ASTL: variants seen among roughly 807,000 people sequenced by gnomAD.
ASTL encodes astacin like metalloendopeptidase.
A neutral mutation model predicts 36.7 loss-of-function variants in ASTL; 27 were observed. The observed-to-expected ratio is 0.73, with a 90% CI of 0.54 to 1.01. The LOEUF is 1.01. Ranked by LOEUF, ASTL falls within the 50% of genes least tolerant of loss-of-function variation. The pLI is 0.00. For synonymous variants in ASTL, 222 were observed against 228.1 expected, an observed-to-expected ratio of 0.97 and a Z score of 0.24; for missense variants, 524 against 572.8, an observed-to-expected ratio of 0.91 and a Z score of 0.87.
Position 96,133,467 on chromosome 2 carries a change from T to C in ASTL, c.413A>G (p.Tyr138Cys), listed in dbSNP as rs1190995743. 6.2e-7 allele frequency: 1 copy of C among 1,614,112 alleles called. No homozygotes were observed. Among genetic ancestry groups the C allele is most frequent in the East Asian group, 2.2e-5 (1 of 44,892 alleles). Reference protein sequence around the residue: ...ERSTCIRFVTYQDQRDFISII... With the variant: ...ERSTCIRFVTCQDQRDFISII... ...GGAAATGAAGTCTCTCTGGTCCTGA[T>C]AGGTGACAAACCTGATGCACGTGGA... The change falls in exon 5 of 9, where the codon TAT (tyrosine) becomes TGT (cysteine). Residue 138 changes from tyrosine (Y) to cysteine (C), a missense_variant. Transcript: ENST00000342380.
rs1474024626 is a variant in ASTL, at chr2:96,132,857, C to T, written c.456-136G>A. 1 of 760,604 alleles carries T rather than the reference C, an allele frequency of 1.3e-6. No individual in the cohort carries two copies. The highest frequency in any genetic ancestry group is 2.0e-6 in the Non-Finnish European group (1 of 494,688). The allele number at this position is 760,604 out of a possible 1,614,324, so 47.1% of individuals were successfully genotyped here. On this transcript the variant is annotated intron_variant, in intron 5 of 8. Transcript: ENST00000342380. This position sits in a 1 kb window ranked among gnomAD's most constrained non-coding sequence, Gnocchi z 5.4. ...CAGGCCCCACTCTGGGCTCTAGTCT[C>T]AGGTTCACCATTCTCCAGGCCCCTT...
chr2:96,134,545 C>A (rs1216462732), intron 3 of ASTL, among the ~76,000 whole-genome samples: 1 of 152,140 alleles, frequency 6.6e-6, no homozygotes, highest in Admixed American at 6.5e-5. Context: ...CCCTTCGGTG[C>A]CCAGGCTCCA....
intron 8 of ASTL, among the ~76,000 whole-genome samples, chr2:96,128,740 T>C (rs954002856): frequency 2.0e-5 from 3 of 152,260 alleles, no homozygotes; most frequent in African/African-American, 7.2e-5. Context: ...AGGGATGTCT[T>C]GGCTATTATT....
In ASTL at chr2:96,124,420, C is replaced by T. The variant is rs1389720718; in HGVS notation, c.875-149G>A. On this transcript the variant is annotated intron_variant, in intron 8 of 8. Coordinates refer to ENST00000342380, the MANE Select transcript of ASTL (RefSeq NM_001002036.4). The surrounding 1 kb of genome is among the most constrained non-coding windows in gnomAD (Gnocchi z 4.1). ...TCCAAGACCCAGATTCCCACCCTAC[C>T]AGAGACCAGGACAATGAAGCCATCC... The T allele has an allele frequency of 1.6e-6, 1 of 611,428 alleles. No individual in the cohort carries two copies. Among genetic ancestry groups the T allele is most frequent in the Non-Finnish European group, 2.6e-6 (1 of 389,122 alleles). 37.9% of individuals were successfully genotyped at this position (611,428 alleles called of 1,614,324 possible).
chr2:96,137,363 G>C (rs936359029), intron 2 of ASTL, among the ~76,000 whole-genome samples: 21 of 152,148 alleles, frequency 1.4e-4, no homozygotes, highest in African/African-American at 4.6e-4. Context: ...CCAGCTGCTC[G>C]GGAGGCAGAG....
intron 6 of ASTL, among the ~76,000 whole-genome samples, chr2:96,131,376 G>C (rs114164839): frequency 6.6e-6 from 1 of 151,876 alleles, no homozygotes; most frequent in African/African-American, 2.4e-5. Flanking sequence ...AGAAGCTTTC[G>C]GTTTTGATGT....
upstream of ASTL, chr2:96,138,527 T>A: frequency 2.7e-6 from 3 of 1,111,754 alleles, no homozygotes; most frequent in Non-Finnish European, 4.0e-6. Context: ...CACCCCCTCT[T>A]AAATAGCAGC....
chr2:96,124,355 C>T lies in ASTL; in HGVS notation c.875-84G>A. 1 of 1,304,842 alleles carries T rather than the reference C, an allele frequency of 7.7e-7. No homozygotes were observed. Among genetic ancestry groups the T allele is most frequent in the Non-Finnish European group, 1.0e-6 (1 of 990,546 alleles). 80.8% of individuals were successfully genotyped at this position (1,304,842 alleles called of 1,614,324 possible). ...CTGTGCGGACCCAGAGCTGGCTCAGCTCACAGGAGTGGTGCCCACCCATGC... is the reference window on the plus strand; with the variant it reads ...CTGTGCGGACCCAGAGCTGGCTCAGTTCACAGGAGTGGTGCCCACCCATGC... On this transcript the variant is annotated intron_variant, in intron 8 of 8. Coordinates refer to ENST00000342380, the MANE Select transcript of ASTL (RefSeq NM_001002036.4). This position sits in a 1 kb window ranked among gnomAD's most constrained non-coding sequence, Gnocchi z 4.1.
chr2:96,138,449 C>G lies in ASTL; in HGVS notation c.-13G>C. ...CTACACCCTCCATGGTAGAGCCCTGCTGCCCCTTCAGCAAACAAGACCAAG... is the reference window on the plus strand; with the variant it reads ...CTACACCCTCCATGGTAGAGCCCTGGTGCCCCTTCAGCAAACAAGACCAAG... On this transcript the variant is annotated 5_prime_UTR_variant, in exon 1 of 9. Transcript: ENST00000342380. The G allele has an allele frequency of 2.5e-6, 4 of 1,606,686 alleles. No homozygotes were observed. The highest frequency in any genetic ancestry group is 3.4e-6 in the Non-Finnish European group (4 of 1,176,214).
chr2:96,134,033 G>C lies in ASTL; in HGVS notation c.269C>G (p.Thr90Ser). 1 of 1,613,630 alleles carries C rather than the reference G, an allele frequency of 6.2e-7. No individual in the cohort carries two copies. The highest frequency in any genetic ancestry group is 1.3e-5 in the African/African-American group (1 of 75,030). ...ACCACCCATGGGCCATTTGTTGCTG[G>C]TTGCTGACAGCAGTCGGAAGGGACT... ...RPSPFRLLSA[T>S]SNKWPMGGSG... is the part of the protein sequence containing the mutation. The change falls in exon 4 of 9, where the codon ACC (threonine) becomes AGC (serine). Residue 90 changes from threonine (T) to serine (S), a missense_variant. Coordinates refer to ENST00000342380, the MANE Select transcript of ASTL (RefSeq NM_001002036.4).
chr2:96,126,049 C>A (rs1329829075), intron 8 of ASTL, among the ~76,000 whole-genome samples: 2 of 152,060 alleles, frequency 1.3e-5, no homozygotes, highest in African/African-American at 4.8e-5. Flanking sequence ...CCAAATAGGT[C>A]ATATACCTAA....
At chr2:96,137,060 G>A (rs1213572166) in intron 2 of ASTL, among the ~76,000 whole-genome samples, 1 of 152,016 alleles carries the variant, frequency 6.6e-6, no homozygotes, top group Non-Finnish European at 1.5e-5. Flanking sequence ...AGCCAGGATG[G>A]TCTCGATCTC....
At chr2:96,127,536 G>A (rs1485975255) in intron 8 of ASTL, among the ~76,000 whole-genome samples, 2 of 152,026 alleles carry the variant, frequency 1.3e-5, no homozygotes, top group Non-Finnish European at 2.9e-5. Flanking sequence ...TTTCCCATTT[G>A]GTCTCTGAGA....
chr2:96,126,634 G>A (rs1682069114), intron 8 of ASTL, among the ~76,000 whole-genome samples: 1 of 152,128 alleles, frequency 6.6e-6, no homozygotes, highest in Non-Finnish European at 1.5e-5. Flanking sequence ...GAGACGGGTA[G>A]ATCACGAGGT....
intron 2 of ASTL, 49 bp downstream of exon 2, chr2:96,137,526 T>G: frequency 6.3e-7 from 1 of 1,590,160 alleles, no homozygotes; most frequent in Non-Finnish European, 8.6e-7. Context: ...GTTTTCACAC[T>G]ACATAACGTC....
At chr2:96,130,396 C>T (rs1461881619) in intron 6 of ASTL, among the ~76,000 whole-genome samples, 1 of 152,210 alleles carries the variant, frequency 6.6e-6, no homozygotes, top group African/African-American at 2.4e-5. Context: ...GCTGTTCCCT[C>T]CACCCATCCT....
At position 96,123,182 on chromosome 2, in the gene ASTL, A is replaced by G. The variant is rs1681992336; in HGVS notation, c.*668T>C. 6.6e-6 allele frequency among the ~76,000 whole-genome samples: 1 copy of G among 152,228 alleles called. No individual in the cohort carries two copies. The highest frequency in any genetic ancestry group is 2.1e-4 in the South Asian group (1 of 4,830). ...TCCAGGGAATAGCGGTGTAGGGTGG[A>G]GACAACTGAGTCCTCTGTTCAGGGG... On this transcript the variant is annotated 3_prime_UTR_variant, in exon 9 of 9. Coordinates refer to ENST00000342380, the MANE Select transcript of ASTL (RefSeq NM_001002036.4).
chr2:96,138,474 G>A lies in ASTL; in HGVS notation c.-38C>T, dbSNP rs1682352850. On this transcript the variant is annotated 5_prime_UTR_variant, in exon 1 of 9. Transcript: ENST00000342380. ...CTGCCCCTTCAGCAAACAAGACCAAGCCCCAGCAAGACACAGTAACCTAAT... is the reference window on the plus strand; with the variant it reads ...CTGCCCCTTCAGCAAACAAGACCAAACCCCAGCAAGACACAGTAACCTAAT... 1.3e-6 allele frequency: 2 copies of A among 1,577,072 alleles called. No homozygotes were observed. The highest frequency in any genetic ancestry group is 2.3e-5 in the East Asian group (1 of 44,040).
chr2:96,133,054 C>T (rs951858062), intron 5 of ASTL, among the ~76,000 whole-genome samples: 1 of 152,180 alleles, frequency 6.6e-6, no homozygotes, highest in African/African-American at 2.4e-5. Flanking sequence ...GCCTCAGGCC[C>T]CTGACAAGCT....
Sources: gnomAD v4.1 joint callset for allele counts (sites outside exome capture counted in the v4.1 genomes callset) on GRCh38, gnomAD v4.1.1 for gene constraint, Gnocchi (gnomAD v3.1) non-coding constraint, MANE v1.5 for transcripts, NCBI Gene and HGNC (gene_info 2026-07-23, HGNC 2026-07-21) for gene names.